The following NAIF1 variants were observed in gnomAD, a reference collection of about 807,000 sequenced individuals.
The protein encoded by NAIF1 is nuclear apoptosis inducing factor 1.
Under a neutral mutation model 20.7 loss-of-function variants are expected in NAIF1, and 14 were observed. That is an observed-to-expected ratio of 0.67 (90% CI 0.45 to 1.05). The LOEUF (loss-of-function observed/expected upper bound fraction) is 1.05, where lower values mean the gene tolerates loss of function less well. Ranked by LOEUF, NAIF1 falls within the 50% of genes least tolerant of loss-of-function variation. The pLI, the probability that NAIF1 is intolerant of heterozygous loss-of-function variation, is 0.00. For synonymous variants in NAIF1, 191 were observed against 191.4 expected, an observed-to-expected ratio of 1.00 and a Z score of 0.02; for missense variants, 362 against 448.8, an observed-to-expected ratio of 0.81 and a Z score of 1.75.
chr9:128,063,340 T>C lies in NAIF1; in HGVS notation c.*88A>G, dbSNP rs1832739803. On this transcript the variant is annotated 3_prime_UTR_variant, in exon 2 of 2. Transcript: ENST00000373078. This position sits in a 1 kb window ranked among gnomAD's most constrained non-coding sequence, Gnocchi z 4.3. ...AAGAGGGAGCTGTGCACGTGGCCGG[T>C]CTAAGGCCAAGGCCAATCACAGGAC... 7.9e-7 allele frequency: 1 copy of C among 1,272,908 alleles called. No individual in the cohort carries two copies. Among genetic ancestry groups the C allele is most frequent in the African/African-American group, 1.5e-5 (1 of 68,156 alleles). 78.9% of individuals were successfully genotyped at this position (1,272,908 alleles called of 1,614,324 possible).
chr9:128,064,083 T>TG (rs1832751086), intron 1 of NAIF1, among the ~76,000 whole-genome samples, 183 bp from the exon 2 acceptor site: 2 of 114,488 alleles, frequency 1.7e-5, no homozygotes, highest in Admixed American at 7.9e-5. Flanking sequence ...TCAGAATTTT[T>TG]TTTTTTTTTT....
rs180959319 is a variant in NAIF1, at chr9:128,062,135, G to T, written c.*1293C>A. On this transcript the variant is annotated 3_prime_UTR_variant, in exon 2 of 2. Coordinates refer to ENST00000373078, the MANE Select transcript of NAIF1 (RefSeq NM_197956.4). ...GCCTCCCGGGTAGCTGGGACTACAG[G>T]CGTGTGCCACCACGCCCAGCTAATT... 0.012 allele frequency: 1,754 copies of T among 152,420 alleles called. 45 individuals are homozygous for T. Among genetic ancestry groups the T allele is most frequent in the African/African-American group, 0.04 (1,647 of 41,542 alleles). The allele number at this position is 152,420 out of a possible 1,614,324, so 9.4% of individuals were successfully genotyped here. A position where few individuals can be genotyped will look rare whatever the true frequency, so the allele number is the denominator to read the frequency against.
chr9:128,066,368 A>G (rs935548911), intron 1 of NAIF1: 1 of 425,290 alleles, frequency 2.4e-6, no homozygotes, highest in Non-Finnish European at 4.1e-6. Context: ...GGCAATGCTC[A>G]GTGGCGAGCT....
At chr9:128,064,373 G>A (rs1427771894) in intron 1 of NAIF1, among the ~76,000 whole-genome samples, 1 of 152,068 alleles carries the variant, frequency 6.6e-6, no homozygotes, top group Non-Finnish European at 1.5e-5. Context: ...ACCGCGCCTG[G>A]CCGGGGTTCA....
In NAIF1 at chr9:128,063,655, G is replaced by C; in HGVS notation, c.757C>G (p.Leu253Val). Residue 253 changes from leucine to valine, a missense_variant, in exon 2 of 2, where the codon CTA becomes GTA. This residue lies in a region of NAIF1 where 300 missense variants were observed against 342.7 expected (regional missense o/e 0.88). Coordinates refer to ENST00000373078, the MANE Select transcript of NAIF1 (RefSeq NM_197956.4). This position sits in a 1 kb window ranked among gnomAD's most constrained non-coding sequence, Gnocchi z 4.3. Reference protein sequence around the residue: ...IAQHLEQQNDLLQMIRRSQEV... With the variant: ...IAQHLEQQNDVLQMIRRSQEV... ...TGGGAGCGGCGGATCATCTGCAGTA[G>C]GTCGTTCTGCTGTTCCAGGTGCTGT... The C allele has an allele frequency of 6.2e-7, 1 of 1,614,168 alleles. No homozygotes were observed. The highest frequency in any genetic ancestry group is 8.5e-7 in the Non-Finnish European group (1 of 1,180,048).
At position 128,063,487 on chromosome 9, in the gene NAIF1, G is replaced by T. The variant is rs1453023479; in HGVS notation, c.925C>A (p.Pro309Thr). The change falls in exon 2 of 2, where the codon CCC (proline) becomes ACC (threonine). Residue 309 changes from proline to threonine, a missense_variant. Pro to Thr is a conservative substitution (Grantham distance 38, BLOSUM62 -1). This residue lies in a region of NAIF1 where 300 missense variants were observed against 342.7 expected (regional missense o/e 0.88). Transcript: ENST00000373078. The surrounding 1 kb of genome is among the most constrained non-coding windows in gnomAD (Gnocchi z 4.3). ...GCCACCTGCCCAGGGTCAGAGGCGG[G>T]GGCCGGGTTAGCTGTGTTGCTCTGC... is the stretch of plus-strand genomic sequence containing the variant. ...YLQSNTANPA[P>T]ASDPGQVAQN... 2 of 1,609,694 alleles carry T rather than the reference G, an allele frequency of 1.2e-6. No homozygotes were observed. Among genetic ancestry groups the T allele is most frequent in the Non-Finnish European group, 1.7e-6 (2 of 1,180,004 alleles).
At position 128,066,733 on chromosome 9, in the gene NAIF1, C is replaced by G; in HGVS notation, c.369G>C (p.Val123=). Residue 123 remains valine (V), a synonymous_variant, in exon 1 of 2, where the codon GTG becomes GTC. Transcript: ENST00000373078. The stretch of plus-strand genomic sequence containing the variant: ...TACGTTGTTGCATGGGGGTCAGCAG[C>G]ACTGGGGCTACAGCTGGGCCACCGC... ...SGGGGPAVAP[V]LLTPMQQRIC... 1 of 1,611,832 alleles carries G rather than the reference C, an allele frequency of 6.2e-7. No homozygotes were observed. The highest frequency in any genetic ancestry group is 8.5e-7 in the Non-Finnish European group (1 of 1,179,082).
chr9:128,067,294 C>G lies in NAIF1; in HGVS notation c.-193G>C. Reference sequence around the variant, plus strand: ...TGCGTAGGGCCCAGCCCCGACCGGCCCGGCCGCTGCCAGCCAGCAGCGTAA... The same window carrying G: ...TGCGTAGGGCCCAGCCCCGACCGGCGCGGCCGCTGCCAGCCAGCAGCGTAA... On this transcript the variant is annotated 5_prime_UTR_variant, in exon 1 of 2. Coordinates refer to ENST00000373078, the MANE Select transcript of NAIF1 (RefSeq NM_197956.4). 1.8e-6 allele frequency: 1 copy of G among 561,998 alleles called. No homozygotes were observed. The highest frequency in any genetic ancestry group is 3.8e-5 in the Admixed American group (1 of 26,596). 34.8% of individuals were successfully genotyped at this position (561,998 alleles called of 1,614,324 possible).
Position 128,066,626 on chromosome 9 carries a change from G to GCCGAGGGT in NAIF1, c.468_475dup (p.Ala159AspfsTer13). ...GGTGACCGTGGCTGCGGCTGCGGTGGCCGAGGGTCCGAGGGCCACAGGGTG... is the reference window on the plus strand; with the variant it reads ...GGTGACCGTGGCTGCGGCTGCGGTGGCCGAGGGTCCGAGGGTCCGAGGGCCACAGGGTG... On this transcript the variant is annotated frameshift_variant, in exon 1 of 2. Coordinates refer to ENST00000373078, the MANE Select transcript of NAIF1 (RefSeq NM_197956.4). LOFTEE classifies it high-confidence loss of function. 3 of 1,531,372 alleles carry GCCGAGGGT rather than the reference G, an allele frequency of 2.0e-6. No individual in the cohort carries two copies. The highest frequency in any genetic ancestry group is 2.6e-6 in the Non-Finnish European group (3 of 1,137,154). The allele number at this position is 1,531,372 out of a possible 1,614,324, so 94.9% of individuals were successfully genotyped here.
In NAIF1 at chr9:128,063,777, G is replaced by A. The variant is rs752455398; in HGVS notation, c.635C>T (p.Ser212Leu). Residue 212 changes from serine (S) to leucine (L), a missense_variant, in exon 2 of 2, where the codon TCG becomes TTG. Coordinates refer to ENST00000373078, the MANE Select transcript of NAIF1 (RefSeq NM_197956.4). The surrounding 1 kb of genome is among the most constrained non-coding windows in gnomAD (Gnocchi z 4.3). Reference sequence around the variant, plus strand: ...GCTCTTGAGCGCTTGCGGCTTGACCGACGTGTCTGCATGCTGGGCCATCAT... The same window carrying A: ...GCTCTTGAGCGCTTGCGGCTTGACCAACGTGTCTGCATGCTGGGCCATCAT... ...VDMMAQHADT[S>L]VKPQALKSRI... 83 of 1,613,874 alleles carry A rather than the reference G, an allele frequency of 5.1e-5. 1 individual carries two copies. Among genetic ancestry groups the A allele is most frequent in the African/African-American group, 1.6e-4 (12 of 74,948 alleles).
intron 1 of NAIF1, among the ~76,000 whole-genome samples, chr9:128,064,480 T>C (rs10987856): frequency 0.017 from 2,528 of 152,326 alleles, 43 homozygotes; most frequent in South Asian, 0.045. Flanking sequence ...GAGCAACTAC[T>C]ACATGTCAGG....
Position 128,063,976 on chromosome 9 carries a change from G to A in NAIF1, c.512-76C>T. ...TAAAGCTGGCTGTATGGGGTGGGGAGGAGGCCATAAAGTCCTGTCCTGGAG... is the reference window on the plus strand; with the variant it reads ...TAAAGCTGGCTGTATGGGGTGGGGAAGAGGCCATAAAGTCCTGTCCTGGAG... On this transcript the variant is annotated intron_variant, in intron 1 of 1. Coordinates refer to ENST00000373078, the MANE Select transcript of NAIF1 (RefSeq NM_197956.4). The surrounding 1 kb of genome is among the most constrained non-coding windows in gnomAD (Gnocchi z 4.3). The A allele has an allele frequency of 1.5e-6, 2 of 1,360,554 alleles. No individual in the cohort carries two copies. The highest frequency in any genetic ancestry group is 2.0e-6 in the Non-Finnish European group (2 of 992,270). 84.3% of individuals were successfully genotyped at this position (1,360,554 alleles called of 1,614,324 possible).
rs548549826 is a variant in NAIF1, at chr9:128,063,505, T to G, written c.907A>C (p.Asn303His). 6.2e-7 allele frequency: 1 copy of G among 1,610,094 alleles called. No homozygotes were observed. The change falls in exon 2 of 2, where the codon AAC (asparagine) becomes CAC (histidine). Residue 303 changes from asparagine (N) to histidine (H), a missense_variant. Asn to His is a moderately conservative substitution (Grantham distance 68). This residue lies in a region of NAIF1 where 300 missense variants were observed against 342.7 expected (regional missense o/e 0.88). Coordinates refer to ENST00000373078, the MANE Select transcript of NAIF1 (RefSeq NM_197956.4). The surrounding 1 kb of genome is among the most constrained non-coding windows in gnomAD (Gnocchi z 4.3). ...GAGGCGGGGGCCGGGTTAGCTGTGT[T>G]GCTCTGCAGGTAGCGGCGGAAATCT... ...IKDFRRYLQS[N>H]TANPAPASDP...
At chr9:128,065,318 T>C (rs1832765541) in intron 1 of NAIF1, among the ~76,000 whole-genome samples, 2 of 152,080 alleles carry the variant, frequency 1.3e-5, no homozygotes, top group East Asian at 1.9e-4. Context: ...GGTTTCACCA[T>C]ATTGGCCAGG....
In NAIF1 at chr9:128,063,435, A is replaced by T; in HGVS notation, c.977T>A (p.Ile326Asn). The T allele has an allele frequency of 6.2e-7, 1 of 1,606,706 alleles. No individual in the cohort carries two copies. Among genetic ancestry groups the T allele is most frequent in the African/African-American group, 1.3e-5 (1 of 75,016 alleles). Residue 326 changes from isoleucine to asparagine, a missense_variant, in exon 2 of 2, where the codon ATC (isoleucine) becomes AAC (asparagine). Physicochemically the swap from Ile to Asn is moderately radical, Grantham distance 149. Coordinates refer to ENST00000373078, the MANE Select transcript of NAIF1 (RefSeq NM_197956.4). This position sits in a 1 kb window ranked among gnomAD's most constrained non-coding sequence, Gnocchi z 4.3. ...CTGGCCTGACCCCTGCCCTCACTGG[A>T]TGATGCTGTCTGGCTGCCCATTCTG... is the stretch of plus-strand genomic sequence containing the variant. Reference protein sequence around the residue: ...VAQNGQPDSIIQ With the variant: ...VAQNGQPDSINQ
rs755854469 is a variant in NAIF1 at position 128,067,277 on chromosome 9, G to A, written c.-176C>T. 4.2e-4 allele frequency: 298 copies of A among 709,936 alleles called. No individual in the cohort carries two copies. Among genetic ancestry groups the A allele is most frequent in the Non-Finnish European group, 6.0e-4 (277 of 458,322 alleles). 44.0% of individuals were successfully genotyped at this position (709,936 alleles called of 1,614,324 possible). A position where few individuals can be genotyped will look rare whatever the true frequency, so the allele number is the denominator to read the frequency against. ...CCCCTCGCTACGCAAAGTGCGTAGG[G>A]CCCAGCCCCGACCGGCCCGGCCGCT... On this transcript the variant is annotated 5_prime_UTR_variant, in exon 1 of 2. Coordinates refer to ENST00000373078, the MANE Select transcript of NAIF1 (RefSeq NM_197956.4).
Position 128,062,721 on chromosome 9 carries a change from A to T in NAIF1, c.*707T>A, listed in dbSNP as rs1185932983. 6.6e-6 allele frequency: 1 copy of T among 152,356 alleles called. No individual in the cohort carries two copies. The highest frequency in any genetic ancestry group is 1.5e-5 in the Non-Finnish European group (1 of 68,188). 9.4% of individuals were successfully genotyped at this position (152,356 alleles called of 1,614,324 possible). A position where few individuals can be genotyped will look rare whatever the true frequency, so the allele number is the denominator to read the frequency against. On this transcript the variant is annotated 3_prime_UTR_variant, in exon 2 of 2. Coordinates refer to ENST00000373078, the MANE Select transcript of NAIF1 (RefSeq NM_197956.4). ...AAAAGCTCTAGGGACAAACCACCAA[A>T]GGGCTGCCCAGAGATGCTGTTGAAA...
Position 128,067,089 on chromosome 9 carries a change from C to A in NAIF1, c.13G>T (p.Ala5Ser), listed in dbSNP as rs1670721990. 6 of 1,599,678 alleles carry A rather than the reference C, an allele frequency of 3.8e-6. No homozygotes were observed. Among genetic ancestry groups the A allele is most frequent in the African/African-American group, 1.3e-5 (1 of 74,664 alleles). Reference sequence around the variant, plus strand: ...GAGAAGTTCATCTTCCTTTTCTTGGCTGGGACGGCCATGGCCTCTCCCCTC... The same window carrying A: ...GAGAAGTTCATCTTCCTTTTCTTGGATGGGACGGCCATGGCCTCTCCCCTC... MAVP[A>S]KKRKMNFSER... The change falls in exon 1 of 2, where the codon GCC becomes TCC. Residue 5 changes from alanine to serine, a missense_variant. This residue lies in a region of NAIF1 where 51 missense variants were observed against 68.7 expected (regional missense o/e 0.74). Transcript: ENST00000373078.
In NAIF1 at chr9:128,067,236, T is replaced by C. The variant is rs1588736683; in HGVS notation, c.-135A>G. On this transcript the variant is annotated 5_prime_UTR_variant, in exon 1 of 2. Coordinates refer to ENST00000373078, the MANE Select transcript of NAIF1 (RefSeq NM_197956.4). ...GCCAGGCTTGCTCGAGGCCAAGCAC[T>C]AGGCCTTTGGTAACCCCCCTCGCTA... is the stretch of plus-strand genomic sequence containing the variant. 2 of 1,134,980 alleles carry C rather than the reference T, an allele frequency of 1.8e-6. No individual in the cohort carries two copies. Among genetic ancestry groups the C allele is most frequent in the South Asian group, 3.3e-5 (2 of 60,736 alleles). 70.3% of individuals were successfully genotyped at this position (1,134,980 alleles called of 1,614,324 possible).
Sources: allele counts gnomAD v4.1 joint callset (sites outside exome capture counted in the v4.1 genomes callset), GRCh38; gene constraint gnomAD v4.1.1; regional missense constraint gnomAD v4.1.1; non-coding constraint Gnocchi (gnomAD v3.1); transcripts MANE v1.5; gene names NCBI Gene and HGNC (gene_info 2026-07-23, HGNC 2026-07-21).